The following N4BP1 variants were observed in gnomAD, a reference collection of about 807,000 sequenced individuals.
N4BP1 encodes the protein NEDD4-binding protein 1.
N4BP1 carries 21 observed loss-of-function variants against 70.9 expected under a neutral mutation model. That is an observed-to-expected ratio of 0.30 (90% CI 0.21 to 0.43). The LOEUF (loss-of-function observed/expected upper bound fraction) is 0.43. Ranked by LOEUF, N4BP1 falls within the 20% of genes least tolerant of loss-of-function variation. N4BP1 has a pLI of 1.00. For missense variants in N4BP1, 936 were observed against 1,069.4 expected, an observed-to-expected ratio of 0.88 and a Z score of 1.74; for synonymous variants, 387 against 394.6, an observed-to-expected ratio of 0.98 and a Z score of 0.23.
At position 48,609,007 on chromosome 16, in the gene N4BP1, G is replaced by C. The variant is rs565146042; in HGVS notation, c.198+768C>G. Reference sequence around the variant, plus strand: ...AGATGGGAGGATGACTTGAGTCCAAGAGTTCGAGACCTGCCCGGGCAACAT... The same window carrying C: ...AGATGGGAGGATGACTTGAGTCCAACAGTTCGAGACCTGCCCGGGCAACAT... On this transcript the variant is annotated intron_variant, in intron 1 of 6. Transcript: ENST00000262384. Among the ~76,000 whole-genome samples, 104 of 148,854 alleles carry C rather than the reference G, an allele frequency of 7.0e-4. 1 individual carries two copies. The highest frequency in any genetic ancestry group is 1.9e-3 in the African/African-American group (77 of 40,234).
chr16:48,561,640 T>C lies in N4BP1; in HGVS notation c.1003A>G (p.Ser335Gly). Residue 335 changes from serine to glycine, a missense_variant, in exon 2 of 7, where the codon AGT becomes GGT. Physicochemically the swap from Ser to Gly is moderately conservative, Grantham distance 56. Transcript: ENST00000262384. ...TCAGTAGTTTCTTTTATATCTGGAC[T>C]TAAATTTTCAGAATCAGCAGAAGAA... ...SDSSADSENL[S>G]PDIKETTEEM... The C allele has an allele frequency of 6.2e-7, 1 of 1,613,522 alleles. No homozygotes were observed. Among genetic ancestry groups the C allele is most frequent in the South Asian group, 1.1e-5 (1 of 91,020 alleles).
intron 2 of N4BP1, among the ~76,000 whole-genome samples, chr16:48,557,848 T>C (rs143664160): frequency 1.2e-4 from 19 of 152,274 alleles, no homozygotes; most frequent in African/African-American, 4.3e-4. Context: ...ACTATGGGTA[T>C]TAGAGGTAGT....
intron 1 of N4BP1, among the ~76,000 whole-genome samples, chr16:48,575,422 G>A (rs545454523): frequency 1.3e-5 from 2 of 152,182 alleles, no homozygotes; most frequent in East Asian, 3.9e-4. Context: ...TCTTTTATGT[G>A]GTACATGGAA....
chr16:48,552,699 G>GAAAAAAAAAAAA lies in N4BP1; in HGVS notation c.2020+828_2020+839dup, dbSNP rs71134556. Among the ~76,000 whole-genome samples the GAAAAAAAAAAAA allele has an allele frequency of 3.2e-4, 6 of 18,504 alleles. 2 individuals carry two copies. Among genetic ancestry groups the GAAAAAAAAAAAA allele is most frequent in the Non-Finnish European group, 5.4e-4 (4 of 7,438 alleles). The allele number at this position is 18,504 out of a possible 152,430, so 12.1% of individuals were successfully genotyped here. A position where few individuals can be genotyped will look rare whatever the true frequency, so the allele number is the denominator to read the frequency against. On this transcript the variant is annotated intron_variant, in intron 3 of 6. Transcript: ENST00000262384. The stretch of plus-strand genomic sequence containing the variant: ...AGCGACAGAGCGAGACTCCGTCTCA[G>GAAAAAAAAAAAA]AAAAAAAAAAAAAAAAAAAAAAAAA...
chr16:48,573,077 C>G (rs1964043376), intron 1 of N4BP1, among the ~76,000 whole-genome samples: 1 of 148,030 alleles, frequency 6.8e-6, no homozygotes, highest in Non-Finnish European at 1.5e-5. Flanking sequence ...CCACTGCACT[C>G]TAGCCTGGGC....
chr16:48,597,118 A>G (rs577219684), intron 1 of N4BP1, among the ~76,000 whole-genome samples: 226 of 152,298 alleles, frequency 1.5e-3, no homozygotes, highest in African/African-American at 5.1e-3. Context: ...TAAAACTCTG[A>G]TCCCCGAATA....
intron 5 of N4BP1, chr16:48,546,577 AG>A (rs1216911107): frequency 1.0e-5 from 2 of 200,068 alleles, no homozygotes; most frequent in African/African-American, 4.6e-5. Flanking sequence ...TAAGATTTAA[AG>A]ACTGTCAGCT....
At chr16:48,570,357 C>G (rs1963998666) in intron 1 of N4BP1, among the ~76,000 whole-genome samples, 1 of 152,022 alleles carries the variant, frequency 6.6e-6, no homozygotes, top group South Asian at 2.1e-4. Flanking sequence ...TTTTTCTTTT[C>G]TTTTTTGAGA....
In N4BP1 at chr16:48,561,172, C is replaced by A; in HGVS notation, c.1471G>T (p.Gly491Cys). 6.2e-7 allele frequency: 1 copy of A among 1,613,978 alleles called. No individual in the cohort carries two copies. The highest frequency in any genetic ancestry group is 8.5e-7 in the Non-Finnish European group (1 of 1,179,880). The change falls in exon 2 of 7, where the codon GGC becomes TGC. Residue 491 changes from glycine to cysteine, a missense_variant. By Grantham distance (159) the Gly-to-Cys change is radical. Around this residue, in one of 4 missense-constraint regions of N4BP1, gnomAD observed 515 missense variants for 491.7 expected, o/e 1.05. Coordinates refer to ENST00000262384, the MANE Select transcript of N4BP1 (RefSeq NM_153029.4). ...GGAGAGGCAACAGAAGGTGAAAGGC[C>A]ATCAGTTTCAGGGTCTGTGTTACAA... ...YICNTDPETDGLSPSVASPSP... is the reference protein window; with the variant it reads ...YICNTDPETDCLSPSVASPSP...
chr16:48,581,952 C>G lies in N4BP1; in HGVS notation c.199-19508G>C, dbSNP rs115460898. Among the ~76,000 whole-genome samples the G allele has an allele frequency of 4.4e-3, 676 of 152,074 alleles. 7 individuals are homozygous for G. Among genetic ancestry groups the G allele is most frequent in the African/African-American group, 0.016 (653 of 41,480 alleles). On this transcript the variant is annotated intron_variant, in intron 1 of 6. Transcript: ENST00000262384. ...CAGAGGCTACAAAAACAAAAATAGA[C>G]TAACAGAATTACATCAAATAAAAAC...
intron 1 of N4BP1, among the ~76,000 whole-genome samples, chr16:48,598,661 T>A (rs374790387): frequency 1.9e-4 from 29 of 152,246 alleles, no homozygotes; most frequent in African/African-American, 6.7e-4. Context: ...AAGATTACAA[T>A]GAGAAATCTG....
intron 2 of N4BP1, among the ~76,000 whole-genome samples, chr16:48,556,949 C>T (rs186862715): frequency 1.3e-5 from 2 of 152,288 alleles, no homozygotes; most frequent in African/African-American, 2.4e-5. Flanking sequence ...GCTGACAGAG[C>T]CCAAATGTTT....
chr16:48,568,980 C>T (rs975722578), intron 1 of N4BP1, among the ~76,000 whole-genome samples: 6 of 152,336 alleles, frequency 3.9e-5, no homozygotes, highest in African/African-American at 9.6e-5. Context: ...ACTTTTTCAG[C>T]ATCACATGCT....
chr16:48,539,374 A>G lies in N4BP1; in HGVS notation c.*3530T>C, dbSNP rs895327494. Reference sequence around the variant, plus strand: ...AAGCACGAGGGCAGAGCAGGGGACCATACGGAGGGTGGGTGTGGAAGAAGG... The same window carrying G: ...AAGCACGAGGGCAGAGCAGGGGACCGTACGGAGGGTGGGTGTGGAAGAAGG... On this transcript the variant is annotated 3_prime_UTR_variant, in exon 7 of 7. Coordinates refer to ENST00000262384, the MANE Select transcript of N4BP1 (RefSeq NM_153029.4). 1 of 152,488 alleles carries G rather than the reference A, an allele frequency of 6.6e-6. No individual in the cohort carries two copies. Among genetic ancestry groups the G allele is most frequent in the African/African-American group, 2.4e-5 (1 of 41,436 alleles). The allele number at this position is 152,488 out of a possible 1,614,324, so 9.4% of individuals were successfully genotyped here.
chr16:48,590,551 C>T (rs115306466), intron 1 of N4BP1, among the ~76,000 whole-genome samples: 3,142 of 152,270 alleles, frequency 0.021, 112 homozygotes, highest in African/African-American at 0.072. Context: ...TGGTAGCACC[C>T]CTCTGGCAAT....
chr16:48,552,526 C>T (rs1162282399), intron 3 of N4BP1, among the ~76,000 whole-genome samples: 2 of 151,084 alleles, frequency 1.3e-5, no homozygotes, highest in African/African-American at 4.9e-5. Flanking sequence ...GATGAAACCC[C>T]GTTTCTACTA....
In N4BP1 at chr16:48,548,110, G is replaced by C. The variant is rs748177634; in HGVS notation, c.2122C>G (p.Leu708Val). 1 of 1,588,936 alleles carries C rather than the reference G, an allele frequency of 6.3e-7. No homozygotes were observed. The highest frequency in any genetic ancestry group is 8.6e-7 in the Non-Finnish European group (1 of 1,157,702). The change falls in exon 5 of 7, where the codon CTA becomes GTA. Residue 708 changes from leucine (L) to valine (V), a missense_variant. Leu to Val is a conservative substitution (Grantham distance 32, BLOSUM62 1). This residue lies in a region of N4BP1 where 229 missense variants were observed against 343.5 expected (regional missense o/e 0.67). Coordinates refer to ENST00000262384, the MANE Select transcript of N4BP1 (RefSeq NM_153029.4). ...CCAGTTTTGTCCGCTAAGTGTAGTA[G>C]AAACCTATGGTAATATAAGAGAGTT... ...ERIASHDDRFLLHLADKTGGI... is the reference protein window; with the variant it reads ...ERIASHDDRFVLHLADKTGGI...
At chr16:48,567,549 G>A (rs1285759278) in intron 1 of N4BP1, among the ~76,000 whole-genome samples, 1 of 151,956 alleles carries the variant, frequency 6.6e-6, no homozygotes, top group Admixed American at 6.6e-5. Flanking sequence ...GAACTTCTGG[G>A]CTCAACTGAT....
At position 48,560,581 on chromosome 16, in the gene N4BP1, T is replaced by C. The variant is rs370058945; in HGVS notation, c.1889+173A>G. The C allele has an allele frequency of 1.3e-5, 9 of 699,702 alleles. No individual in the cohort carries two copies. In the East Asian group the frequency reaches 2.2e-4, roughly 17 times the overall value. The allele number at this position is 699,702 out of a possible 1,614,324, so 43.3% of individuals were successfully genotyped here. A position where few individuals can be genotyped will look rare whatever the true frequency, so the allele number is the denominator to read the frequency against. On this transcript the variant is annotated intron_variant, in intron 2 of 6. Coordinates refer to ENST00000262384, the MANE Select transcript of N4BP1 (RefSeq NM_153029.4). ...AAGTAAAGTTCATGAATCCAGAAGA[T>C]GGACTGACAAAACCTTTCCAACCAG... is the stretch of plus-strand genomic sequence containing the variant.
Sources: allele counts gnomAD v4.1 joint callset (sites outside exome capture counted in the v4.1 genomes callset), GRCh38; gene constraint gnomAD v4.1.1; regional missense constraint gnomAD v4.1.1; transcripts MANE v1.5; gene names NCBI Gene and HGNC (gene_info 2026-07-23, HGNC 2026-07-21).